The following ENTREP2 variants were observed in gnomAD, a reference collection of about 807,000 sequenced individuals.
ENTREP2 encodes endosomal transmembrane epsin interactor 2.
At chr15:29,527,480 T>C in the ENTREP2 span, among the ~76,000 whole-genome samples, 2 of 152,190 alleles carry the variant, frequency 1.3e-5, no homozygotes, top group East Asian at 1.9e-4. Context: ...TGTGTCCCTG[T>C]TGTAGGCTCA....
At chr15:29,654,215 A>G in the ENTREP2 span, among the ~76,000 whole-genome samples, 14 of 152,304 alleles carry the variant, frequency 9.2e-5, no homozygotes, top group South Asian at 2.9e-3. Context: ...GTAATTGTAC[A>G]CTAAATTCTG....
chr15:29,529,816 C>T, the ENTREP2 span, among the ~76,000 whole-genome samples: 1 of 152,148 alleles, frequency 6.6e-6, no homozygotes, highest in African/African-American at 2.4e-5. Context: ...CAAACTACCT[C>T]ATTTTAGATA....
At chr15:29,140,596 C>T in the ENTREP2 span, among the ~76,000 whole-genome samples, 1 of 152,148 alleles carries the variant, frequency 6.6e-6, no homozygotes, top group East Asian at 1.9e-4. Context: ...CTATCAAACA[C>T]GTATTGTTCC....
At chr15:29,502,297 T>C in the ENTREP2 span, among the ~76,000 whole-genome samples, 9 of 151,926 alleles carry the variant, frequency 5.9e-5, no homozygotes, top group African/African-American at 1.9e-4. Flanking sequence ...AACAGATCTA[T>C]GGCCAAGTAA....
At chr15:29,157,045 C>T in the ENTREP2 span, among the ~76,000 whole-genome samples, 6 of 152,006 alleles carry the variant, frequency 3.9e-5, no homozygotes, top group Non-Finnish European at 5.9e-5. Context: ...AGCCGTGAGC[C>T]GAGATCATGC....
the ENTREP2 span, among the ~76,000 whole-genome samples, chr15:29,643,265 C>G: frequency 6.6e-6 from 1 of 152,042 alleles, no homozygotes; most frequent in African/African-American, 2.4e-5. Flanking sequence ...GCAAATTATC[C>G]TATCAACTCA....
the ENTREP2 span, among the ~76,000 whole-genome samples, chr15:29,253,097 A>G: frequency 1.3e-5 from 2 of 152,210 alleles, no homozygotes; most frequent in Admixed American, 1.3e-4. Flanking sequence ...CATCATATCT[A>G]TAATAAATAA....
At chr15:29,361,208 T>C in the ENTREP2 span, among the ~76,000 whole-genome samples, 38 of 152,240 alleles carry the variant, frequency 2.5e-4, 1 homozygote, top group African/African-American at 8.9e-4. Context: ...ACTTCAACCT[T>C]AGTGGAAGCA....
chr15:29,257,754 T>C, the ENTREP2 span, among the ~76,000 whole-genome samples: 2 of 152,184 alleles, frequency 1.3e-5, no homozygotes. Flanking sequence ...CAGCTGTAGT[T>C]AAATTTATTT....
At chr15:29,502,577 A>G in the ENTREP2 span, among the ~76,000 whole-genome samples, 1 of 152,044 alleles carries the variant, frequency 6.6e-6, no homozygotes, top group South Asian at 2.1e-4. Context: ...GACCAAAGAA[A>G]AAATAGATGA....
At chr15:29,663,623 A>G in the ENTREP2 span, among the ~76,000 whole-genome samples, 1 of 152,176 alleles carries the variant, frequency 6.6e-6, no homozygotes, top group South Asian at 2.1e-4. Flanking sequence ...ACAAAAAACC[A>G]AACACCGCAT....
chr15:29,504,503 T>C, the ENTREP2 span, among the ~76,000 whole-genome samples: 1 of 152,152 alleles, frequency 6.6e-6, no homozygotes, highest in Non-Finnish European at 1.5e-5. Context: ...ACAGAGGAAA[T>C]AGACAGGTTG....
the ENTREP2 span, among the ~76,000 whole-genome samples, chr15:29,244,053 T>C: frequency 6.6e-6 from 1 of 152,224 alleles, no homozygotes; most frequent in Non-Finnish European, 1.5e-5. Context: ...AAATAATATA[T>C]TAACAAAGTG....
At chr15:29,357,626 G>A in the ENTREP2 span, among the ~76,000 whole-genome samples, 8 of 151,824 alleles carry the variant, frequency 5.3e-5, no homozygotes, top group Middle Eastern at 3.4e-3. Context: ...TCACAAGGTC[G>A]GGAGATCGAG....
the ENTREP2 span, among the ~76,000 whole-genome samples, chr15:29,406,554 TA>T: frequency 8.6e-5 from 13 of 151,496 alleles, no homozygotes; most frequent in African/African-American, 3.1e-4. Context: ...TTTCAAAAAT[TA>T]AAAAAAAGAA....
At chr15:29,454,644 A>T in the ENTREP2 span, among the ~76,000 whole-genome samples, 1 of 152,156 alleles carries the variant, frequency 6.6e-6, no homozygotes, top group Non-Finnish European at 1.5e-5. Context: ...ACCTCCTATA[A>T]TGGCATTCAC....
chr15:29,345,372 T>G, the ENTREP2 span, among the ~76,000 whole-genome samples: 1 of 151,978 alleles, frequency 6.6e-6, no homozygotes, highest in South Asian at 2.1e-4. Flanking sequence ...GGAGCAGAGA[T>G]GGGGCTGGGA....
the ENTREP2 span, among the ~76,000 whole-genome samples, chr15:29,535,187 C>T: frequency 4.6e-5 from 7 of 152,212 alleles, no homozygotes; most frequent in South Asian, 1.2e-3. Context: ...GAGTTCAAGG[C>T]TGCAGTGGGC....
chr15:29,166,646 A>G, the ENTREP2 span, among the ~76,000 whole-genome samples: 1 of 152,146 alleles, frequency 6.6e-6, no homozygotes, highest in African/African-American at 2.4e-5. Context: ...AAAAACTACA[A>G]AACACTGCTG....
Sources: gnomAD v4.1 joint callset for allele counts (sites outside exome capture counted in the v4.1 genomes callset) on GRCh38, gnomAD v4.1.1 for gene constraint, MANE v1.5 for transcripts, NCBI Gene and HGNC (gene_info 2026-07-23, HGNC 2026-07-21) for gene names.